Variants in SHANK2 observed in about 807,000 individuals in gnomAD.
SHANK2 encodes the protein SH3 and multiple ankyrin repeat domains 2.
A neutral mutation model predicts 133.7 loss-of-function variants in SHANK2; 43 were observed. That is an observed-to-expected ratio of 0.32 (90% CI 0.25 to 0.41). The LOEUF (loss-of-function observed/expected upper bound fraction) is 0.41. SHANK2 is among the 10% of genes least tolerant of loss of function. The pLI is 1.00. For missense variants in SHANK2, 1,994 were observed against 2,235.8 expected, an observed-to-expected ratio of 0.89 and a Z score of 2.18; for synonymous variants, 1,017 against 952.8, an observed-to-expected ratio of 1.07 and a Z score of -1.24.
At chr11:71,226,343 T>G (rs960542998) in intron 1 of SHANK2, among the ~76,000 whole-genome samples, 1 of 152,044 alleles carries the variant, frequency 6.6e-6, no homozygotes, top group Non-Finnish European at 1.5e-5. Flanking sequence ...AATACCTAAC[T>G]TTAAATGTTT....
chr11:70,779,703 C>T (rs1283791931), intron 14 of SHANK2, among the ~76,000 whole-genome samples: 6 of 152,212 alleles, frequency 3.9e-5, no homozygotes, highest in African/African-American at 1.4e-4. Context: ...CAGCAATATC[C>T]TCCTCTGATC....
At chr11:70,891,285 C>T (rs1221810170) in intron 11 of SHANK2, among the ~76,000 whole-genome samples, 1 of 152,134 alleles carries the variant, frequency 6.6e-6, no homozygotes, top group Non-Finnish European at 1.5e-5. Context: ...GAGGCCGAGG[C>T]GGGCAGATCA....
chr11:70,488,346 A>G (rs923708412), intron 24 of SHANK2, among the ~76,000 whole-genome samples: 1 of 152,170 alleles, frequency 6.6e-6, no homozygotes, highest in Non-Finnish European at 1.5e-5. Context: ...GGCTGCCCAG[A>G]TGTACAGGGA....
In SHANK2 at chr11:70,473,615, G is replaced by A. The variant is rs548446496; in HGVS notation, c.4980-176C>T. 1.0e-3 allele frequency: 732 copies of A among 711,556 alleles called. 1 individual carries two copies. Among genetic ancestry groups the A allele is most frequent in the East Asian group, 4.3e-3 (159 of 37,074 alleles). 44.1% of individuals were successfully genotyped at this position (711,556 alleles called of 1,614,324 possible). Reference sequence around the variant, plus strand: ...TGCCAGGGTGGGGGAGGGGGAGAAAGGGGCCAGAGCAAAGTTGGAGACACC... The same window carrying A: ...TGCCAGGGTGGGGGAGGGGGAGAAAAGGGCCAGAGCAAAGTTGGAGACACC... On this transcript the variant is annotated intron_variant, in intron 25 of 25. Coordinates refer to ENST00000601538, the MANE Select transcript of SHANK2 (RefSeq NM_012309.5). This position sits in a 1 kb window ranked among gnomAD's most constrained non-coding sequence, Gnocchi z 5.9.
intron 10 of SHANK2, among the ~76,000 whole-genome samples, chr11:70,905,562 C>A (rs577401586): frequency 6.6e-6 from 1 of 152,246 alleles, no homozygotes; most frequent in African/African-American, 2.4e-5. Context: ...GGAGCTGGGG[C>A]CTTTGGGAGG....
rs1555055759 is a variant in SHANK2 at position 70,820,722 on chromosome 11, T to C, written c.1175-40A>G. 4 of 626,742 alleles carry C rather than the reference T, an allele frequency of 6.4e-6. No homozygotes were observed. In the African/African-American group the frequency reaches 7.3e-5, roughly 11 times the overall value. 38.8% of individuals were successfully genotyped at this position (626,742 alleles called of 1,614,324 possible). A position where few individuals can be genotyped will look rare whatever the true frequency, so the allele number is the denominator to read the frequency against. On this transcript the variant is annotated intron_variant, in intron 11 of 25. Transcript: ENST00000601538. ...ATGGAGAGAGGCCGGTGAGTGCATC[T>C]GTGTCGTGGTCAGCTGGGTGGGGAC...
intron 2 of SHANK2, among the ~76,000 whole-genome samples, chr11:71,199,066 G>T (rs1221536144): frequency 1.3e-5 from 2 of 152,184 alleles, no homozygotes; most frequent in African/African-American, 4.8e-5. Context: ...GGCACTCCAG[G>T]CCAGGGGGCA....
At position 70,794,272 on chromosome 11, in the gene SHANK2, G is replaced by A. The variant is rs1947859668; in HGVS notation, c.1777+4171C>T. Reference sequence around the variant, plus strand: ...CTCCAGTCTGGGCAACAGAGACTCCGTCTCAGAAAAAAAAAAAAAAACAAC... The same window carrying A: ...CTCCAGTCTGGGCAACAGAGACTCCATCTCAGAAAAAAAAAAAAAAACAAC... On this transcript the variant is annotated intron_variant, in intron 14 of 25. Transcript: ENST00000601538. Among the ~76,000 whole-genome samples, 10 of 104,442 alleles carry A rather than the reference G, an allele frequency of 9.6e-5. 1 individual carries two copies. In the South Asian group the frequency reaches 3.0e-3, roughly 31 times the overall value. The allele number at this position is 104,442 out of a possible 152,430, so 68.5% of individuals were successfully genotyped here.
intron 10 of SHANK2, among the ~76,000 whole-genome samples, chr11:70,933,629 GCAA>G (rs1296389097): frequency 2.6e-5 from 4 of 152,156 alleles, no homozygotes; most frequent in African/African-American, 9.6e-5. Flanking sequence ...TTTTAAAAAA[GCAA>G]CAACAGGCTG....
At chr11:70,529,480 G>C (rs572287153) in intron 17 of SHANK2, among the ~76,000 whole-genome samples, 1 of 152,364 alleles carries the variant, frequency 6.6e-6, no homozygotes, top group Admixed American at 6.5e-5. Flanking sequence ...GGCGGATGCA[G>C]ATTCTGGGTT....
chr11:70,844,872 A>G (rs1250122730), intron 11 of SHANK2, among the ~76,000 whole-genome samples: 1 of 152,164 alleles, frequency 6.6e-6, no homozygotes, highest in African/African-American at 2.4e-5. Context: ...GCCAATTTAT[A>G]TGACCAAATC....
At position 71,168,091 on chromosome 11, in the gene SHANK2, G is replaced by T. The variant is rs541481528; in HGVS notation, c.-12-20753C>A. On this transcript the variant is annotated intron_variant, in intron 2 of 25. Coordinates refer to ENST00000601538, the MANE Select transcript of SHANK2 (RefSeq NM_012309.5). ...GACGGGGCGGTTGCCGGGCGGAGGG[G>T]CTCCTCACTTCTCAGACGGGGCGGT... Among the ~76,000 whole-genome samples the T allele has an allele frequency of 2.8e-5, 4 of 140,774 alleles. No homozygotes were observed. In the East Asian group the frequency reaches 8.1e-4, roughly 28 times the overall value. The allele number at this position is 140,774 out of a possible 152,430, so 92.4% of individuals were successfully genotyped here. A position where few individuals can be genotyped will look rare whatever the true frequency, so the allele number is the denominator to read the frequency against.
At chr11:71,130,863 CA>C in intron 3 of SHANK2, among the ~76,000 whole-genome samples, 1 of 152,350 alleles carries the variant, frequency 6.6e-6, no homozygotes, top group East Asian at 1.9e-4. Context: ...GCCAGCTCTG[CA>C]AACGCATGTA....
chr11:70,672,770 C>T (rs1482049309), intron 15 of SHANK2, among the ~76,000 whole-genome samples: 2 of 152,354 alleles, frequency 1.3e-5, no homozygotes, highest in East Asian at 3.9e-4. Flanking sequence ...TGAGTGCCCC[C>T]GAAGGCAGGA....
intron 6 of SHANK2, among the ~76,000 whole-genome samples, chr11:71,104,657 G>C (rs185427956): frequency 9.9e-4 from 151 of 152,236 alleles, no homozygotes; most frequent in African/African-American, 3.5e-3. Context: ...ACCCACCCTG[G>C]TTCACTTTTC....
At chr11:70,866,019 T>C (rs1203397734) in intron 11 of SHANK2, among the ~76,000 whole-genome samples, 3 of 152,110 alleles carry the variant, frequency 2.0e-5, no homozygotes, top group Non-Finnish European at 2.9e-5. Context: ...AGTTTCTTAG[T>C]GGGGGGCTGC....
intron 11 of SHANK2, among the ~76,000 whole-genome samples, chr11:70,870,997 C>T (rs797042141): frequency 6.6e-6 from 1 of 152,134 alleles, no homozygotes; most frequent in East Asian, 1.9e-4. Flanking sequence ...AGGCTGGTCT[C>T]GAACTCCTGA....
At chr11:70,499,921 G>A (rs575133323) in intron 21 of SHANK2, among the ~76,000 whole-genome samples, 16 of 152,330 alleles carry the variant, frequency 1.1e-4, no homozygotes, top group Admixed American at 3.3e-4. Flanking sequence ...TAAAAGCTGG[G>A]AGTGCTGCTT....
chr11:70,574,359 C>A (rs1030068215), intron 17 of SHANK2, among the ~76,000 whole-genome samples: 24 of 152,370 alleles, frequency 1.6e-4, no homozygotes, highest in Middle Eastern at 3.4e-3. Flanking sequence ...CTGGGAGAGG[C>A]AACATCAGGG....
Sources: gnomAD v4.1 joint callset for allele counts (sites outside exome capture counted in the v4.1 genomes callset) on GRCh38, gnomAD v4.1.1 for gene constraint, Gnocchi (gnomAD v3.1) non-coding constraint, MANE v1.5 for transcripts, NCBI Gene and HGNC (gene_info 2026-07-23, HGNC 2026-07-21) for gene names.